The following RNF20 variants were observed in gnomAD, a reference collection of about 807,000 sequenced individuals.
RNF20 encodes ring finger protein 20.
A neutral mutation model predicts 126.2 loss-of-function variants in RNF20; 84 were observed. The observed-to-expected ratio is 0.67, with a 90% CI of 0.56 to 0.80. The LOEUF (loss-of-function observed/expected upper bound fraction) is 0.80, where lower values mean the gene tolerates loss of function less well. RNF20 is among the 30% of genes least tolerant of loss of function. RNF20 has a pLI of 0.00. For synonymous variants in RNF20, 400 were observed against 414.3 expected, an observed-to-expected ratio of 0.97 and a Z score of 0.42; for missense variants, 869 against 1,188.2, an observed-to-expected ratio of 0.73 and a Z score of 3.95.
intron 11 of RNF20, 99 bp from the exon 12 acceptor site, chr9:101,552,042 C>T: frequency 1.4e-6 from 2 of 1,464,144 alleles, no homozygotes; most frequent in Non-Finnish European, 1.9e-6. Flanking sequence ...TGGTAATTCT[C>T]CCTATTTCTC....
chr9:101,556,713 T>A (rs1028540794), intron 15 of RNF20, among the ~76,000 whole-genome samples: 2 of 152,084 alleles, frequency 1.3e-5, no homozygotes, highest in Non-Finnish European at 2.9e-5. Flanking sequence ...ACTTCTACAC[T>A]GCAAAAAACA....
At chr9:101,547,780 G>T (rs978263216) in intron 9 of RNF20, among the ~76,000 whole-genome samples, 3 of 152,174 alleles carry the variant, frequency 2.0e-5, no homozygotes, top group Admixed American at 1.3e-4. Context: ...TCAGGAACAG[G>T]ATAAAGATGC....
At chr9:101,558,334 A>T (rs559835652) in intron 16 of RNF20, among the ~76,000 whole-genome samples, 38 of 152,220 alleles carry the variant, frequency 2.5e-4, no homozygotes, top group African/African-American at 8.4e-4. Flanking sequence ...TTCCAATTCC[A>T]TCCGGATTGC....
intron 15 of RNF20, among the ~76,000 whole-genome samples, chr9:101,556,109 G>A (rs775049173): frequency 3.3e-5 from 5 of 151,756 alleles, no homozygotes; most frequent in African/African-American, 1.2e-4. Context: ...TCTTGTATAC[G>A]ATGACTATCT....
At chr9:101,540,747 A>C (rs962429847) in intron 4 of RNF20, 46 bp from the exon 5 acceptor site, 18 of 1,593,020 alleles carry the variant, frequency 1.1e-5, no homozygotes, top group Non-Finnish European at 1.5e-5. Context: ...TGTTATTTCC[A>C]GTTTATAATT....
rs532935097 is a variant in RNF20 at position 101,545,050 on chromosome 9, C to A, written c.747+165C>A. 2.0e-5 allele frequency among the ~76,000 whole-genome samples: 3 copies of A among 152,194 alleles called. No homozygotes were observed. In the East Asian group the frequency reaches 5.8e-4, roughly 29 times the overall value. The stretch of plus-strand genomic sequence containing the variant: ...CCAAACCTCCAAATAATGAATTACC[C>A]TAAATATAAAAGACTGTATAGTGTT... On this transcript the variant is annotated intron_variant, in intron 6 of 19. Coordinates refer to ENST00000389120, the MANE Select transcript of RNF20 (RefSeq NM_019592.7).
chr9:101,539,536 GAT>G (rs534076027), intron 2 of RNF20, among the ~76,000 whole-genome samples: 67 of 152,318 alleles, frequency 4.4e-4, no homozygotes, highest in African/African-American at 1.6e-3. Context: ...TGGAGATCTT[GAT>G]GAGGTAAAGG....
intron 2 of RNF20, among the ~76,000 whole-genome samples, chr9:101,539,743 T>G (rs971897507): frequency 6.6e-6 from 1 of 152,178 alleles, no homozygotes; most frequent in African/African-American, 2.4e-5. Context: ...CTGGAAAAAC[T>G]GACAGCCTAG....
intron 16 of RNF20, among the ~76,000 whole-genome samples, chr9:101,557,866 C>T (rs927891377): frequency 4.6e-5 from 7 of 151,904 alleles, no homozygotes; most frequent in African/African-American, 1.7e-4. Flanking sequence ...ATCCTTTTTG[C>T]GTTAAAGTAT....
Position 101,547,137 on chromosome 9 carries a change from G to A in RNF20, c.895G>A (p.Val299Met), listed in dbSNP as rs1164930133. 5 of 1,613,866 alleles carry A rather than the reference G, an allele frequency of 3.1e-6. No individual in the cohort carries two copies. The South Asian group carries it at 5.5e-5, about 18-fold the overall frequency. ...TAAAGAATCTTTGTGTTCTCTGTAGGTGAATTCCAAAGGTTATAAGGTGTA... is the reference window on the plus strand; with the variant it reads ...TAAAGAATCTTTGTGTTCTCTGTAGATGAATTCCAAAGGTTATAAGGTGTA... ...NRHLAEVLER[V>M]NSKGYKVYGA... is the part of the protein sequence containing the mutation. Residue 299 changes from valine (V) to methionine (M), a missense_variant and splice_region_variant, in exon 8 of 20, where the codon GTG becomes ATG. By Grantham distance (21) the Val-to-Met change is conservative (BLOSUM62 1). Transcript: ENST00000389120.
chr9:101,555,785 C>T (rs1443334682), intron 15 of RNF20, among the ~76,000 whole-genome samples: 1 of 147,830 alleles, frequency 6.8e-6, no homozygotes, highest in Non-Finnish European at 1.5e-5. Context: ...AACCCCATCA[C>T]TATTAAAAAA....
chr9:101,539,605 G>A (rs547022215), intron 2 of RNF20, among the ~76,000 whole-genome samples: 1 of 152,312 alleles, frequency 6.6e-6, no homozygotes, highest in Non-Finnish European at 1.5e-5. Context: ...TGTTTTTCAG[G>A]GAATGGGAAG....
At chr9:101,553,647 A>C (rs2118721920) in intron 13 of RNF20, among the ~76,000 whole-genome samples, 1 of 151,936 alleles carries the variant, frequency 6.6e-6, no homozygotes, top group South Asian at 2.1e-4. Flanking sequence ...CACTTGTTTA[A>C]ATTTTTGAAC....
At chr9:101,557,929 A>T (rs141360476) in intron 16 of RNF20, among the ~76,000 whole-genome samples, 1 of 151,820 alleles carries the variant, frequency 6.6e-6, no homozygotes, top group African/African-American at 2.4e-5. Context: ...GGAAGGCTGC[A>T]TGAGAAACTG....
chr9:101,538,242 T>C (rs985678293), intron 2 of RNF20, among the ~76,000 whole-genome samples: 1 of 152,096 alleles, frequency 6.6e-6, no homozygotes, highest in South Asian at 2.1e-4. Context: ...ACAAGATCAT[T>C]GGTGAAGAGG....
At chr9:101,561,352 T>C in intron 18 of RNF20, 122 bp downstream of exon 18, 15 of 1,058,478 alleles carry the variant, frequency 1.4e-5, no homozygotes, top group East Asian at 2.4e-5. Flanking sequence ...AGGAAGTTTG[T>C]TGAGGGAAGA....
chr9:101,538,945 T>C (rs188626508), intron 2 of RNF20, among the ~76,000 whole-genome samples: 127 of 152,198 alleles, frequency 8.3e-4, no homozygotes, highest in African/African-American at 2.8e-3. Context: ...AGAAAAATAT[T>C]GAGAGGGATG....
At chr9:101,549,350 G>GAA (rs1422941040) in intron 9 of RNF20, among the ~76,000 whole-genome samples, 2 of 152,186 alleles carry the variant, frequency 1.3e-5, no homozygotes, top group African/African-American at 2.4e-5. Flanking sequence ...GACAGAGAGA[G>GAA]AAACAGCTTA....
chr9:101,536,443 T>C (rs2118666093), intron 2 of RNF20, among the ~76,000 whole-genome samples: 1 of 152,318 alleles, frequency 6.6e-6, no homozygotes, highest in Non-Finnish European at 1.5e-5. Flanking sequence ...ATTTTTTTTT[T>C]TGAGTCAGAA....
Sources: allele counts gnomAD v4.1 joint callset (sites outside exome capture counted in the v4.1 genomes callset), GRCh38; gene constraint gnomAD v4.1.1; transcripts MANE v1.5; gene names NCBI Gene and HGNC (gene_info 2026-07-23, HGNC 2026-07-21).